SAMD4B: variants seen among roughly 807,000 people sequenced by gnomAD.
SAMD4B encodes the protein protein Smaug homolog 2.
In SAMD4B, 5 loss-of-function variants were observed where a neutral mutation model predicts 74.5. The ratio of observed to expected loss-of-function variants is 0.07; its 90% confidence interval spans 0.04 to 0.14. SAMD4B has a LOEUF of 0.14. SAMD4B is among the 10% of genes least tolerant of loss of function. The pLI is 1.00. For missense variants in SAMD4B, 608 were observed against 921.8 expected (o/e 0.66, Z 4.41); for synonymous variants, 373 against 374.9 (o/e 1.00, Z 0.06).
At chr19:39,354,557 T>A (rs1054932495) in intron 2 of SAMD4B, among the ~76,000 whole-genome samples, 3 of 152,156 alleles carry the variant, frequency 2.0e-5, no homozygotes, top group Non-Finnish European at 4.4e-5. Flanking sequence ...GGCACTGTTG[T>A]AGGCACTGGC....
chr19:39,379,005 T>A (rs1209673943), intron 9 of SAMD4B, among the ~76,000 whole-genome samples: 1 of 152,116 alleles, frequency 6.6e-6, no homozygotes, highest in Non-Finnish European at 1.5e-5. Flanking sequence ...CAGTGTTGGC[T>A]TTAGAGGCTT....
At chr19:39,365,221 G>C (rs2076888101) in intron 3 of SAMD4B, among the ~76,000 whole-genome samples, 1 of 146,742 alleles carries the variant, frequency 6.8e-6, no homozygotes, top group Non-Finnish European at 1.5e-5. Flanking sequence ...ACTCCAGCCT[G>C]GGTGACAGAG....
At chr19:39,372,086 G>T (rs1168531599) in intron 4 of SAMD4B, among the ~76,000 whole-genome samples, 3 of 152,118 alleles carry the variant, frequency 2.0e-5, no homozygotes, top group Non-Finnish European at 4.4e-5. Context: ...TACCCCAGCA[G>T]CCATTAAAGG....
chr19:39,390,404 GGGT>G, downstream of SAMD4B: 1 of 986,504 alleles, frequency 1.0e-6, no homozygotes, highest in Non-Finnish European at 1.6e-6. Context: ...TGGTTTCTTT[GGGT>G]GGTGGTGTGG....
chr19:39,361,941 G>C (rs74571984), intron 3 of SAMD4B, among the ~76,000 whole-genome samples: 3 of 151,988 alleles, frequency 2.0e-5, no homozygotes, highest in Non-Finnish European at 4.4e-5. Context: ...AAAAAAAAAA[G>C]TTGCCTGTCT....
At position 39,380,789 on chromosome 19, in the gene SAMD4B, A is replaced by T. The variant is rs1050803338; in HGVS notation, c.1848+4A>T. 5 of 1,533,694 alleles carry T rather than the reference A, an allele frequency of 3.3e-6. No homozygotes were observed. The African/African-American group carries it at 6.9e-5, about 21-fold the overall frequency. The stretch of plus-strand genomic sequence containing the variant: ...CCTTGGAGGCCAGGGCCGACAGGTA[A>T]GCTGGCTGGAAGCAGGGGCCTGGCC... On this transcript the variant is annotated splice_donor_region_variant and intron_variant, in intron 11 of 13. Transcript: ENST00000610417.
At chr19:39,373,970 A>AT (rs1555723284) in intron 4 of SAMD4B, among the ~76,000 whole-genome samples, 6 of 140,404 alleles carry the variant, frequency 4.3e-5, no homozygotes, top group Non-Finnish European at 7.5e-5. Context: ...ATCTCTAAAA[A>AT]ATATATATAT....
In SAMD4B at chr19:39,381,683, C is replaced by T. The variant is rs115404170; in HGVS notation, c.1972+570C>T. Among the ~76,000 whole-genome samples the T allele has an allele frequency of 4.9e-3, 740 of 152,306 alleles. 3 individuals are homozygous for T. The highest frequency in any genetic ancestry group is 0.016 in the African/African-American group (659 of 41,562). ...CAAGTGCGGGCACAGTAACTCACAC[C>T]TGTAATTTCAGCACTTTTGGGAAGC... On this transcript the variant is annotated intron_variant, in intron 12 of 13. Coordinates refer to ENST00000610417, the MANE Select transcript of SAMD4B (RefSeq NM_001384574.2).
rs1031843403 is a variant in SAMD4B at position 39,375,407 on chromosome 19, C to A, written c.668-243C>A. On this transcript the variant is annotated intron_variant, in intron 4 of 13. Transcript: ENST00000610417. The surrounding 1 kb of genome is among the most constrained non-coding windows in gnomAD (Gnocchi z 4.1). The stretch of plus-strand genomic sequence containing the variant: ...GTGGCAGTAATTCCTGCCAGGGGTG[C>A]TGGTGGCTTGAGCCAGCGGAACTGG... Among the ~76,000 whole-genome samples the A allele has an allele frequency of 6.6e-6, 1 of 152,132 alleles. No homozygotes were observed. The highest frequency in any genetic ancestry group is 1.5e-5 in the Non-Finnish European group (1 of 68,018).
chr19:39,378,366 C>A lies in SAMD4B; in HGVS notation c.1445-138C>A. The A allele has an allele frequency of 1.5e-6, 1 of 680,332 alleles. No individual in the cohort carries two copies. Among genetic ancestry groups the A allele is most frequent in the Non-Finnish European group, 2.6e-6 (1 of 386,518 alleles). The allele number at this position is 680,332 out of a possible 1,614,324, so 42.1% of individuals were successfully genotyped here. On this transcript the variant is annotated intron_variant, in intron 8 of 13. Coordinates refer to ENST00000610417, the MANE Select transcript of SAMD4B (RefSeq NM_001384574.2). The surrounding 1 kb of genome is among the most constrained non-coding windows in gnomAD (Gnocchi z 4.4). ...GTATATCCTCATGATAACCCAAATA[C>A]CATGGCTAGCACTTAATAGTTGATA...
In SAMD4B at chr19:39,369,660, G is replaced by A. The variant is rs371386640; in HGVS notation, c.202G>A (p.Val68Ile). Residue 68 changes from valine to isoleucine, a missense_variant, in exon 4 of 14, where the codon GTC becomes ATC. Transcript: ENST00000610417. ...LESEANSAAI[V>I]SQWQQESKEK... ...TCTTCTTATCCCTTCTGTAGCCATC[G>A]TCAGCCAGTGGCAGCAGGAGTCCAA... is the stretch of plus-strand genomic sequence containing the variant. The A allele has an allele frequency of 6.8e-6, 11 of 1,613,648 alleles. No individual in the cohort carries two copies. The East Asian group carries it at 1.1e-4, about 16-fold the overall frequency.
downstream of SAMD4B, chr19:39,390,216 G>A (rs45613331): frequency 0.017 from 27,678 of 1,612,680 alleles, 279 homozygotes; most frequent in Non-Finnish European, 0.02. Flanking sequence ...TCTGCTCCCA[G>A]CCCCACTGCC....
At position 39,376,917 on chromosome 19, in the gene SAMD4B, C is replaced by G; in HGVS notation, c.1104+126C>G. On this transcript the variant is annotated intron_variant, in intron 7 of 13. Coordinates refer to ENST00000610417, the MANE Select transcript of SAMD4B (RefSeq NM_001384574.2). ...TCCAAAATTCCCAGCCCTAGGGACCCAGACTTCAGGGACCACATGCAAGCC... is the reference window on the plus strand; with the variant it reads ...TCCAAAATTCCCAGCCCTAGGGACCGAGACTTCAGGGACCACATGCAAGCC... The G allele has an allele frequency of 4.1e-6, 3 of 724,022 alleles. No individual in the cohort carries two copies. The South Asian group carries it at 5.3e-5, about 13-fold the overall frequency. 44.8% of individuals were successfully genotyped at this position (724,022 alleles called of 1,614,324 possible).
chr19:39,367,707 C>G (rs1043296338), intron 3 of SAMD4B, among the ~76,000 whole-genome samples: 8 of 151,038 alleles, frequency 5.3e-5, no homozygotes, highest in Admixed American at 3.3e-4. Context: ...CAGGCTTTCA[C>G]CATGTCGGCC....
chr19:39,359,981 C>T (rs974827115), intron 3 of SAMD4B: 1 of 152,086 alleles, frequency 6.6e-6, no homozygotes, highest in East Asian at 1.9e-4. Flanking sequence ...GTCAGGAGAT[C>T]GAGACCATCC....
chr19:39,389,064 G>A (rs759343098), downstream of SAMD4B: 22 of 1,611,344 alleles, frequency 1.4e-5, no homozygotes, highest in Admixed American at 2.8e-4. This position sits in a 1 kb window ranked among gnomAD's most constrained non-coding sequence, Gnocchi z 5.3. Context: ...CCGCACCCTT[G>A]CCTCTCCCCA....
At chr19:39,374,132 A>C (rs2077463115) in intron 4 of SAMD4B, among the ~76,000 whole-genome samples, 1 of 148,162 alleles carries the variant, frequency 6.7e-6, no homozygotes, top group South Asian at 2.1e-4. Context: ...TTAGCTGGGC[A>C]TGGTGTTGGC....
rs567938241 is a variant in SAMD4B, at chr19:39,376,616, T to G, written c.1017+70T>G. 1.5e-5 allele frequency: 24 copies of G among 1,573,782 alleles called. No homozygotes were observed. The East Asian group carries it at 2.2e-4, about 15-fold the overall frequency. On this transcript the variant is annotated intron_variant, in intron 6 of 13. Transcript: ENST00000610417. ...GTTTGGCATCCTTGCAGCCCAAGCCTCCTCTGTCTCCTTGATCTCTATTTG... is the reference window on the plus strand; with the variant it reads ...GTTTGGCATCCTTGCAGCCCAAGCCGCCTCTGTCTCCTTGATCTCTATTTG...
At chr19:39,370,882 C>T (rs1438279515) in intron 4 of SAMD4B, among the ~76,000 whole-genome samples, 7 of 152,230 alleles carry the variant, frequency 4.6e-5, no homozygotes, top group Admixed American at 2.0e-4. Context: ...CATCGGGACT[C>T]AGAGGTGAAG....
Sources: allele counts gnomAD v4.1 joint callset (sites outside exome capture counted in the v4.1 genomes callset), GRCh38; gene constraint gnomAD v4.1.1; non-coding constraint Gnocchi (gnomAD v3.1); transcripts MANE v1.5; gene names NCBI Gene and HGNC (gene_info 2026-07-23, HGNC 2026-07-21).